The following BAG4 variants were observed in gnomAD, a reference collection of about 807,000 sequenced individuals.
BAG4 encodes the protein BAG cochaperone 4.
Under a neutral mutation model 52.1 loss-of-function variants are expected in BAG4, and 28 were observed. The observed-to-expected ratio is 0.54, with a 90% CI of 0.40 to 0.74. The LOEUF is 0.74. Among genes scored for constraint, BAG4 ranks in the 30% least tolerant of loss-of-function variants. The pLI, the probability that BAG4 is intolerant of heterozygous loss-of-function variation, is 0.00. For missense variants in BAG4, 525 were observed against 572.0 expected, an observed-to-expected ratio of 0.92 and a Z score of 0.84; for synonymous variants, 208 against 217.0, an observed-to-expected ratio of 0.96 and a Z score of 0.37.
At chr8:38,179,540 C>T (rs1463303704) in intron 1 of BAG4, among the ~76,000 whole-genome samples, 7 of 150,752 alleles carry the variant, frequency 4.6e-5, no homozygotes, top group Non-Finnish European at 7.4e-5. Context: ...CCAAGGAAGG[C>T]GGATCACCTG....
At chr8:38,190,759 CTTT>C (rs763468928) in intron 1 of BAG4, among the ~76,000 whole-genome samples, 4 of 133,820 alleles carry the variant, frequency 3.0e-5, no homozygotes, top group Non-Finnish European at 3.2e-5. Context: ...GGTGGGTTGT[CTTT>C]TTTTTTTTTT....
chr8:38,185,620 A>G (rs1803353059), intron 1 of BAG4, among the ~76,000 whole-genome samples: 1 of 152,140 alleles, frequency 6.6e-6, no homozygotes. Flanking sequence ...CAATGGCGCC[A>G]TCTTGGCGAT....
At chr8:38,205,912 T>A (rs569250667) in intron 2 of BAG4, among the ~76,000 whole-genome samples, 76 of 152,116 alleles carry the variant, frequency 5.0e-4, no homozygotes, top group Non-Finnish European at 8.7e-4. Context: ...AATCTTTTTT[T>A]AAAAATTACT....
chr8:38,192,475 C>G (rs1803492115), intron 1 of BAG4, among the ~76,000 whole-genome samples: 1 of 152,058 alleles, frequency 6.6e-6, no homozygotes, highest in South Asian at 2.1e-4. Flanking sequence ...CGGGGTCTCT[C>G]TTGACCATAC....
chr8:38,177,196 C>A, intron 1 of BAG4, 57 bp downstream of exon 1: 1 of 1,588,948 alleles, frequency 6.3e-7, no homozygotes. Context: ...GGCTGGGGTT[C>A]GTAAAGGATC....
At chr8:38,189,430 G>A (rs925212220) in intron 1 of BAG4, among the ~76,000 whole-genome samples, 5 of 152,212 alleles carry the variant, frequency 3.3e-5, no homozygotes, top group African/African-American at 4.8e-5. Flanking sequence ...GTCATTTGAA[G>A]TAATTCTTTT....
intron 1 of BAG4, among the ~76,000 whole-genome samples, chr8:38,181,257 G>A (rs1403874252): frequency 2.1e-5 from 3 of 141,690 alleles, no homozygotes; most frequent in Admixed American, 7.5e-5. Flanking sequence ...TTTTTGAGAC[G>A]GAGTTTTGCT....
At chr8:38,200,675 A>G (rs888589211) in intron 2 of BAG4, among the ~76,000 whole-genome samples, 2 of 151,600 alleles carry the variant, frequency 1.3e-5, no homozygotes, top group Non-Finnish European at 2.9e-5. Context: ...CTTGGCTCAC[A>G]GCAACCTCCA....
chr8:38,190,858 A>G (rs376797881), intron 1 of BAG4, among the ~76,000 whole-genome samples: 3 of 151,226 alleles, frequency 2.0e-5, no homozygotes, highest in East Asian at 3.9e-4. Context: ...CCTGGGTTCA[A>G]GCTATTCTCG....
chr8:38,187,749 G>A (rs1400841930), intron 1 of BAG4, among the ~76,000 whole-genome samples: 1 of 151,814 alleles, frequency 6.6e-6, no homozygotes, highest in Non-Finnish European at 1.5e-5. Context: ...CCAGCTGGGT[G>A]CTGTGGCTCA....
At chr8:38,184,585 C>T (rs1423265928) in intron 1 of BAG4, among the ~76,000 whole-genome samples, 1 of 152,146 alleles carries the variant, frequency 6.6e-6, no homozygotes, top group African/African-American at 2.4e-5. Context: ...TGAGGACGTT[C>T]GGGTCGGAGA....
At chr8:38,189,828 G>A (rs986749588) in intron 1 of BAG4, among the ~76,000 whole-genome samples, 1 of 152,152 alleles carries the variant, frequency 6.6e-6, no homozygotes, top group African/African-American at 2.4e-5. Context: ...TGTTGTTGTT[G>A]TTGTTTTGAG....
At chr8:38,180,166 A>T (rs964226355) in intron 1 of BAG4, among the ~76,000 whole-genome samples, 2 of 152,164 alleles carry the variant, frequency 1.3e-5, no homozygotes, top group Admixed American at 1.3e-4. Flanking sequence ...CAGATTGATG[A>T]TTCTGAAACT....
At chr8:38,203,005 A>G (rs1232759537) in intron 2 of BAG4, 1 of 152,206 alleles carries the variant, frequency 6.6e-6, no homozygotes, top group African/African-American at 2.4e-5. Context: ...AAATAACAAC[A>G]GAGAGAAGGA....
At chr8:38,204,572 A>G (rs1477225002) in intron 2 of BAG4, among the ~76,000 whole-genome samples, 2 of 152,020 alleles carry the variant, frequency 1.3e-5, no homozygotes, top group African/African-American at 4.8e-5. Context: ...TGCCAGGATC[A>G]CTTCAGCCTA....
rs1453755075 is a variant in BAG4 at position 38,209,509 on chromosome 8, T to C, written c.888+242T>C. 5.5e-6 allele frequency: 3 copies of C among 541,242 alleles called. No homozygotes were observed. In the African/African-American group the frequency reaches 5.7e-5, roughly 10 times the overall value. The allele number at this position is 541,242 out of a possible 1,614,324, so 33.5% of individuals were successfully genotyped here. A position where few individuals can be genotyped will look rare whatever the true frequency, so the allele number is the denominator to read the frequency against. Reference sequence around the variant, plus strand: ...AGACAGAAAGATACACATTTTCTGTTTGTTGTAATTCTTCTAAACGTTAAA... The same window carrying C: ...AGACAGAAAGATACACATTTTCTGTCTGTTGTAATTCTTCTAAACGTTAAA... On this transcript the variant is annotated intron_variant, in intron 4 of 4. Coordinates refer to ENST00000287322, the MANE Select transcript of BAG4 (RefSeq NM_004874.4).
At chr8:38,178,242 G>C (rs1224790827) in intron 1 of BAG4, among the ~76,000 whole-genome samples, 1 of 147,314 alleles carries the variant, frequency 6.8e-6, no homozygotes, top group Non-Finnish European at 1.5e-5. Context: ...TGCAACCTCC[G>C]CCTCCCGGTT....
intron 1 of BAG4, among the ~76,000 whole-genome samples, chr8:38,186,477 CA>C (rs376066793): frequency 2.8e-4 from 42 of 152,056 alleles, no homozygotes; most frequent in African/African-American, 9.9e-4. Flanking sequence ...TGGAGAAAGT[CA>C]AAAAAACTGC....
intron 2 of BAG4, among the ~76,000 whole-genome samples, chr8:38,199,119 A>G (rs1803616263): frequency 6.6e-6 from 1 of 152,272 alleles, no homozygotes; most frequent in Non-Finnish European, 1.5e-5. Flanking sequence ...TGTATTACAT[A>G]TAATTGTATG....
Sources: gnomAD v4.1 joint callset for allele counts (sites outside exome capture counted in the v4.1 genomes callset) on GRCh38, gnomAD v4.1.1 for gene constraint, MANE v1.5 for transcripts, NCBI Gene and HGNC (gene_info 2026-07-23, HGNC 2026-07-21) for gene names.